The following ROBO1 variants were observed in gnomAD, a reference collection of about 807,000 sequenced individuals.
The protein encoded by ROBO1 is roundabout homolog 1.
ROBO1 carries 149 observed loss-of-function variants against 195.9 expected under a neutral mutation model. The observed-to-expected ratio is 0.76, with a 90% CI of 0.67 to 0.87. The LOEUF is 0.87. Among genes scored for constraint, ROBO1 ranks in the 40% least tolerant of loss-of-function variants. The pLI is 0.00. For synonymous variants in ROBO1, 816 were observed against 733.2 expected (o/e 1.11, Z -1.82); for missense variants, 1,933 against 2,068.3 (o/e 0.93, Z 1.27).
chr3:79,056,226 G>A (rs2078805325), intron 3 of ROBO1, among the ~76,000 whole-genome samples: 1 of 152,042 alleles, frequency 6.6e-6, no homozygotes, highest in South Asian at 2.1e-4. Flanking sequence ...GCTATCAATG[G>A]AAAGTACTTC....
At chr3:79,120,909 T>G (rs2080104900) in intron 3 of ROBO1, among the ~76,000 whole-genome samples, 1 of 152,136 alleles carries the variant, frequency 6.6e-6, no homozygotes, top group South Asian at 2.1e-4. Context: ...GAAAAATGAT[T>G]AACTATATAA....
At chr3:79,410,111 GTAAAT>G (rs1459683386) in intron 2 of ROBO1, among the ~76,000 whole-genome samples, 1 of 152,124 alleles carries the variant, frequency 6.6e-6, no homozygotes, top group Non-Finnish European at 1.5e-5. Context: ...AACTGTGTCT[GTAAAT>G]TATTAACGGA....
chr3:78,995,199 C>T (rs2077333909), intron 3 of ROBO1, among the ~76,000 whole-genome samples: 1 of 152,170 alleles, frequency 6.6e-6, no homozygotes, highest in Non-Finnish European at 1.5e-5. Flanking sequence ...ACTACCGTTG[C>T]TTCCAACACA....
intron 4 of ROBO1, among the ~76,000 whole-genome samples, chr3:78,803,257 G>A (rs1259222873): frequency 6.6e-6 from 1 of 152,086 alleles, no homozygotes; most frequent in African/African-American, 2.4e-5. Flanking sequence ...TTGCTGTGAA[G>A]ACTATATGAC....
intron 1 of ROBO1, among the ~76,000 whole-genome samples, chr3:79,716,135 A>G (rs961080612): frequency 1.3e-5 from 2 of 152,086 alleles, no homozygotes; most frequent in African/African-American, 4.8e-5. Context: ...TTAAGTGGTA[A>G]ACTTCAAATA....
chr3:79,577,924 C>CA (rs1026923341), intron 2 of ROBO1, among the ~76,000 whole-genome samples: 26 of 151,478 alleles, frequency 1.7e-4, no homozygotes, highest in African/African-American at 3.1e-4. Flanking sequence ...AACAAAAAAA[C>CA]AAAAAACAAA....
chr3:78,661,896 A>C, intron 15 of ROBO1, 97 bp downstream of exon 15: 1 of 1,334,444 alleles, frequency 7.5e-7, no homozygotes, highest in Admixed American at 2.3e-5. Context: ...AGTTATCATT[A>C]ATGTACAAGT....
chr3:79,694,836 C>A (rs929794185), intron 1 of ROBO1, among the ~76,000 whole-genome samples: 8 of 151,518 alleles, frequency 5.3e-5, no homozygotes, highest in African/African-American at 1.5e-4. Context: ...ATGCAAAATT[C>A]TTTATCAGAT....
At chr3:79,108,137 G>A (rs1576682080) in intron 3 of ROBO1, among the ~76,000 whole-genome samples, 1 of 151,680 alleles carries the variant, frequency 6.6e-6, no homozygotes, top group Non-Finnish European at 1.5e-5. Flanking sequence ...AATATAGTAT[G>A]TGTGTTTTGG....
At chr3:79,043,818 A>G (rs1309585871) in intron 3 of ROBO1, among the ~76,000 whole-genome samples, 3 of 152,136 alleles carry the variant, frequency 2.0e-5, no homozygotes, top group African/African-American at 7.2e-5. Flanking sequence ...ATGCAAGGTA[A>G]TATTTTCAGG....
At chr3:79,559,232 A>G (rs912495565) in intron 2 of ROBO1, among the ~76,000 whole-genome samples, 1 of 152,284 alleles carries the variant, frequency 6.6e-6, no homozygotes, top group South Asian at 2.1e-4. Context: ...CCTATGCTGC[A>G]CAGTAGAGCT....
intron 4 of ROBO1, among the ~76,000 whole-genome samples, chr3:78,792,320 G>A (rs193269974): frequency 6.6e-6 from 1 of 152,192 alleles, no homozygotes; most frequent in Non-Finnish European, 1.5e-5. Flanking sequence ...TCTGGAATGT[G>A]CTTCTTTGTT....
At chr3:79,481,434 G>T (rs1463286700) in intron 2 of ROBO1, among the ~76,000 whole-genome samples, 3 of 152,166 alleles carry the variant, frequency 2.0e-5, no homozygotes, top group African/African-American at 7.2e-5. Flanking sequence ...AGATGATTCT[G>T]TGAATAGCCT....
chr3:79,017,450 A>AGAGTGTGT (rs71631636), intron 3 of ROBO1, among the ~76,000 whole-genome samples: 2 of 133,512 alleles, frequency 1.5e-5, no homozygotes, highest in East Asian at 4.5e-4. Flanking sequence ...TCCGAGGTGC[A>AGAGTGTGT]GTGTGTGTGT....
chr3:78,986,846 T>C (rs1454839257), intron 3 of ROBO1, among the ~76,000 whole-genome samples: 3 of 152,166 alleles, frequency 2.0e-5, no homozygotes, highest in Non-Finnish European at 2.9e-5. Flanking sequence ...AGCCGCTAAT[T>C]ATGCCAGGCA....
chr3:79,267,742 T>C (rs767394509), intron 2 of ROBO1, among the ~76,000 whole-genome samples: 36 of 151,480 alleles, frequency 2.4e-4, no homozygotes, highest in Non-Finnish European at 2.5e-4. Flanking sequence ...CATTGATCTG[T>C]TTTGTTGTTA....
chr3:78,648,990 A>G (rs1706476736), intron 19 of ROBO1, among the ~76,000 whole-genome samples: 1 of 152,030 alleles, frequency 6.6e-6, no homozygotes, highest in Non-Finnish European at 1.5e-5. Context: ...CCCAATTTAT[A>G]CCCTGGCCTT....
In ROBO1 at chr3:79,575,210, GAT is replaced by G. The variant is rs1402864981; in HGVS notation, c.88+14612_88+14613del. Among the ~76,000 whole-genome samples, 307 of 100,528 alleles carry G rather than the reference GAT, an allele frequency of 3.1e-3. 2 individuals carry two copies. Among genetic ancestry groups the G allele is most frequent in the Admixed American group, 0.017 (137 of 8,234 alleles). The allele number at this position is 100,528 out of a possible 152,430, so 66.0% of individuals were successfully genotyped here. ...CATATATATAAATATATATATAACA[GAT>G]ATATATATATAACAAATATATATAA... On this transcript the variant is annotated intron_variant, in intron 2 of 30. Coordinates refer to ENST00000464233, the MANE Select transcript of ROBO1 (RefSeq NM_002941.4).
At chr3:79,085,821 G>A (rs931582738) in intron 3 of ROBO1, among the ~76,000 whole-genome samples, 3 of 152,070 alleles carry the variant, frequency 2.0e-5, no homozygotes, top group African/African-American at 7.2e-5. Flanking sequence ...ATCTCCTGTA[G>A]TCTAGCCTCA....
Sources: gnomAD v4.1 joint callset for allele counts (sites outside exome capture counted in the v4.1 genomes callset) on GRCh38, gnomAD v4.1.1 for gene constraint, MANE v1.5 for transcripts, NCBI Gene and HGNC (gene_info 2026-07-23, HGNC 2026-07-21) for gene names.